FAM135B: variants seen among roughly 807,000 people sequenced by gnomAD.
FAM135B encodes the protein family with sequence similarity 135 member B.
Under a neutral mutation model 127.7 loss-of-function variants are expected in FAM135B, and 43 were observed. That is an observed-to-expected ratio of 0.34 (90% CI 0.26 to 0.43). The LOEUF is 0.43. Among genes scored for constraint, FAM135B ranks in the 20% least tolerant of loss-of-function variants. The pLI, the probability that FAM135B is intolerant of heterozygous loss-of-function variation, is 1.00. For missense variants in FAM135B, 1,558 were observed against 1,725.6 expected, an observed-to-expected ratio of 0.90 and a Z score of 1.72; for synonymous variants, 670 against 665.1, an observed-to-expected ratio of 1.01 and a Z score of -0.11.
intron 1 of FAM135B, among the ~76,000 whole-genome samples, chr8:138,494,606 C>T (rs1281206338): frequency 6.6e-6 from 1 of 152,120 alleles, no homozygotes; most frequent in African/African-American, 2.4e-5. Context: ...CATAAAAGAG[C>T]AGAGAATAGT....
At chr8:138,372,374 A>G (rs1009781114) in intron 1 of FAM135B, among the ~76,000 whole-genome samples, 8 of 152,150 alleles carry the variant, frequency 5.3e-5, no homozygotes, top group African/African-American at 1.9e-4. Flanking sequence ...AAGAGGATGG[A>G]GGGAGGGGCA....
intron 7 of FAM135B, among the ~76,000 whole-genome samples, chr8:138,226,584 G>C (rs1365848473): frequency 2.6e-5 from 4 of 152,024 alleles, no homozygotes; most frequent in African/African-American, 4.8e-5. Context: ...TTGAGATGGA[G>C]GCTCACTCTG....
intron 7 of FAM135B, among the ~76,000 whole-genome samples, chr8:138,239,817 C>T (rs1038804873): frequency 6.6e-5 from 10 of 152,084 alleles, no homozygotes; most frequent in African/African-American, 2.4e-4. Flanking sequence ...TACTATGCAG[C>T]CATAAAAAAG....
chr8:138,192,277 C>G (rs1179756620), intron 9 of FAM135B, among the ~76,000 whole-genome samples: 2 of 152,194 alleles, frequency 1.3e-5, no homozygotes, highest in African/African-American at 4.8e-5. Context: ...TCCAAGCTGT[C>G]CTTGTTCATT....
intron 7 of FAM135B, among the ~76,000 whole-genome samples, chr8:138,199,515 G>C (rs1014677729): frequency 6.6e-6 from 1 of 152,206 alleles, no homozygotes; most frequent in African/African-American, 2.4e-5. Context: ...ACCCGGCCTT[G>C]GGGCAAGGAC....
At chr8:138,415,895 G>A (rs768735115) in intron 1 of FAM135B, among the ~76,000 whole-genome samples, 1 of 152,078 alleles carries the variant, frequency 6.6e-6, no homozygotes, top group Non-Finnish European at 1.5e-5. Flanking sequence ...TTGGTTTCAC[G>A]GTGTCTAGAA....
At chr8:138,260,195 C>T (rs1822438727) in intron 4 of FAM135B, among the ~76,000 whole-genome samples, 1 of 152,166 alleles carries the variant, frequency 6.6e-6, no homozygotes, top group Non-Finnish European at 1.5e-5. Context: ...TTAATCTTTA[C>T]CCTCTAGTGG....
chr8:138,172,128 A>G (rs67976235), intron 11 of FAM135B, among the ~76,000 whole-genome samples: 80,008 of 152,056 alleles, frequency 0.53, 21,657 homozygotes, highest in East Asian at 0.81. Context: ...TTTAAAGGGA[A>G]AAACAACTTT....
Position 138,176,700 on chromosome 8 carries a change from A to G in FAM135B, c.1103+647T>C, listed in dbSNP as rs1038322157. On this transcript the variant is annotated intron_variant, in intron 11 of 19. Transcript: ENST00000395297. ...CTTCTATTTTTGCTATGGCATCTCAAGCATCTTTCCATCCACATTTAATGT... is the reference window on the plus strand; with the variant it reads ...CTTCTATTTTTGCTATGGCATCTCAGGCATCTTTCCATCCACATTTAATGT... Among the ~76,000 whole-genome samples, 16 of 152,332 alleles carry G rather than the reference A, an allele frequency of 1.1e-4. No individual in the cohort carries two copies. In the East Asian group the frequency reaches 3.1e-3, roughly 29 times the overall value.
rs191699310 is a variant in FAM135B, at chr8:138,156,990, C to G, written c.1259-3774G>C. Among the ~76,000 whole-genome samples, 842 of 152,092 alleles carry G rather than the reference C, an allele frequency of 5.5e-3. 6 individuals are homozygous for G. Among genetic ancestry groups the G allele is most frequent in the Non-Finnish European group, 7.8e-3 (527 of 67,978 alleles). ...ATACCAAAGCCTGGCAGAGACACAT[C>G]GAAAAAAGAGAATTTTAGACCAATA... On this transcript the variant is annotated intron_variant, in intron 12 of 19. Transcript: ENST00000395297.
intron 1 of FAM135B, among the ~76,000 whole-genome samples, chr8:138,398,631 T>G (rs4909419): frequency 0.45 from 68,852 of 151,986 alleles, 15,973 homozygotes; most frequent in Admixed American, 0.57. Flanking sequence ...AAGCTGCATG[T>G]GGGAGGAAGT....
chr8:138,253,259 G>A (rs1373813446), intron 5 of FAM135B, among the ~76,000 whole-genome samples: 1 of 152,192 alleles, frequency 6.6e-6, no homozygotes, highest in Non-Finnish European at 1.5e-5. Context: ...AGGGCAGAAT[G>A]GGCCATGACG....
intron 1 of FAM135B, among the ~76,000 whole-genome samples, chr8:138,426,863 G>C (rs1269579301): frequency 2.0e-5 from 3 of 151,526 alleles, no homozygotes; most frequent in African/African-American, 7.3e-5. Flanking sequence ...CTTTTAACTC[G>C]ATTTCTCCAA....
chr8:138,230,149 G>T lies in FAM135B; in HGVS notation c.669+12793C>A, dbSNP rs1405961661. 7.9e-5 allele frequency among the ~76,000 whole-genome samples: 12 copies of T among 152,142 alleles called. 1 individual carries two copies. Among genetic ancestry groups the T allele is most frequent in the African/African-American group, 2.9e-4 (12 of 41,432 alleles). ...GGCTCAGAAATGGGTCTTCAATTGT[G>T]CATGTAAAGATGAAATGGGAATACA... On this transcript the variant is annotated intron_variant, in intron 7 of 19. Coordinates refer to ENST00000395297, the MANE Select transcript of FAM135B (RefSeq NM_015912.4).
At chr8:138,207,250 CT>C (rs1159409900) in intron 7 of FAM135B, among the ~76,000 whole-genome samples, 3 of 141,624 alleles carry the variant, frequency 2.1e-5, no homozygotes, top group Non-Finnish European at 4.5e-5. Context: ...ACTTGTCTCG[CT>C]TTGTTGCCCA....
In FAM135B at chr8:138,195,327, T is replaced by G. The variant is rs1816523094; in HGVS notation, c.824-20A>C. ...GGGCCTCTAGAAAGAAAAAATAAAC[T>G]GTGTGATTAAATGAACCCACACTGA... On this transcript the variant is annotated intron_variant, in intron 8 of 19. Coordinates refer to ENST00000395297, the MANE Select transcript of FAM135B (RefSeq NM_015912.4). 1 of 1,612,550 alleles carries G rather than the reference T, an allele frequency of 6.2e-7. No individual in the cohort carries two copies. The highest frequency in any genetic ancestry group is 8.5e-7 in the Non-Finnish European group (1 of 1,179,088).
intron 3 of FAM135B, among the ~76,000 whole-genome samples, chr8:138,307,907 CTTTT>C: frequency 6.6e-6 from 1 of 151,984 alleles, no homozygotes; most frequent in Non-Finnish European, 1.5e-5. Flanking sequence ...ATATATTTTT[CTTTT>C]TTCCCGTCAG....
chr8:138,212,430 G>C (rs1299023448), intron 7 of FAM135B, among the ~76,000 whole-genome samples: 1 of 152,158 alleles, frequency 6.6e-6, no homozygotes, highest in Non-Finnish European at 1.5e-5. Flanking sequence ...AAATAAGAGG[G>C]AAAAAGGAAA....
intron 1 of FAM135B, among the ~76,000 whole-genome samples, chr8:138,401,769 G>C (rs993507099): frequency 6.6e-6 from 1 of 152,090 alleles, no homozygotes; most frequent in Non-Finnish European, 1.5e-5. Context: ...GTGACTGATG[G>C]GCAAGAAATA....
Sources: allele counts gnomAD v4.1 joint callset (sites outside exome capture counted in the v4.1 genomes callset), GRCh38; gene constraint gnomAD v4.1.1; transcripts MANE v1.5; gene names NCBI Gene and HGNC (gene_info 2026-07-23, HGNC 2026-07-21).